WDHD1: variants seen among roughly 807,000 people sequenced by gnomAD.
The protein encoded by WDHD1 is WD repeat and HMG-box DNA-binding protein 1.
WDHD1 carries 111 observed loss-of-function variants against 135.4 expected under a neutral mutation model. The ratio of observed to expected loss-of-function variants is 0.82; its 90% confidence interval spans 0.70 to 0.96. WDHD1 has a LOEUF of 0.96. Ranked by LOEUF, WDHD1 falls within the 40% of genes least tolerant of loss-of-function variation. The probability of loss-of-function intolerance (pLI) is 0.00; values close to 1 mark genes in which losing one functional copy is unlikely to be tolerated. For synonymous variants in WDHD1, 434 were observed against 439.0 expected (o/e 0.99, Z 0.14); for missense variants, 1,351 against 1,336.3 (o/e 1.01, Z -0.17).
chr14:55,004,867 C>A (rs2042038457), intron 7 of WDHD1: 1 of 515,036 alleles, frequency 1.9e-6, no homozygotes, highest in Admixed American at 2.0e-5. Context: ...CAGTGGGGAG[C>A]CGCAGACCAG....
intron 3 of WDHD1, among the ~76,000 whole-genome samples, chr14:55,011,342 C>T (rs1305230056): frequency 6.6e-6 from 1 of 151,686 alleles, no homozygotes; most frequent in African/African-American, 2.4e-5. Flanking sequence ...CCAGCCTAGC[C>T]AACATGGTGA....
chr14:55,020,051 AT>A (rs1161422338), intron 2 of WDHD1, among the ~76,000 whole-genome samples: 1 of 152,144 alleles, frequency 6.6e-6, no homozygotes, highest in African/African-American at 2.4e-5. Flanking sequence ...ACTCTTAATC[AT>A]TGAGTCTCAT....
intron 2 of WDHD1, 149 bp downstream of exon 2, chr14:55,026,559 AAAC>A (rs1285670568): frequency 7.9e-6 from 6 of 759,970 alleles, no homozygotes; most frequent in Non-Finnish European, 8.7e-6. Context: ...GGCCCGAATC[AAAC>A]AATAATCTAA....
chr14:55,017,791 A>AT (rs2042285372), intron 2 of WDHD1, among the ~76,000 whole-genome samples: 4 of 152,084 alleles, frequency 2.6e-5, no homozygotes, highest in Admixed American at 2.6e-4. Flanking sequence ...TTCAGATTTT[A>AT]TTTATATCTA....
chr14:54,960,290 C>T (rs2041229817), intron 21 of WDHD1, among the ~76,000 whole-genome samples: 1 of 152,110 alleles, frequency 6.6e-6, no homozygotes, highest in Admixed American at 6.5e-5. Flanking sequence ...GCCTCAGCCT[C>T]CCAAGTAGCT....
At chr14:55,010,809 TGAG>T (rs376405178) in intron 3 of WDHD1, among the ~76,000 whole-genome samples, 2 of 152,354 alleles carry the variant, frequency 1.3e-5, no homozygotes, top group African/African-American at 4.8e-5. Flanking sequence ...AGTCTCAAAA[TGAG>T]GAGAAGGCAT....
chr14:54,966,492 A>C lies in WDHD1; in HGVS notation c.2293T>G (p.Leu765Val), dbSNP rs745607774. ...NQATKEQQELLMKMLALSCKL... is the reference protein window; with the variant it reads ...NQATKEQQELVMKMLALSCKL... ...TTACTCACCGCAAGCATTTTCATTA[A>C]AAGTTCCTGTTGCTCTTTTGTTGCT... Residue 765 changes from leucine (L) to valine (V), a missense_variant, in exon 18 of 26, where the codon TTA becomes GTA. Leu to Val is a conservative substitution (Grantham distance 32, BLOSUM62 1). Transcript: ENST00000360586. The C allele has an allele frequency of 9.4e-6, 15 of 1,599,540 alleles. No individual in the cohort carries two copies. Among genetic ancestry groups the C allele is most frequent in the Non-Finnish European group, 1.2e-5 (14 of 1,176,948 alleles).
rs539295985 is a variant in WDHD1, at chr14:54,972,646, G to A, written c.2064-5252C>T. On this transcript the variant is annotated intron_variant, in intron 16 of 25. Coordinates refer to ENST00000360586, the MANE Select transcript of WDHD1 (RefSeq NM_007086.4). ...CAGTTTGGGAATTCTTAGTACTGTC[G>A]GTATGAGTTGTCAAAAAAGAGAAAA... is the stretch of plus-strand genomic sequence containing the variant. Among the ~76,000 whole-genome samples the A allele has an allele frequency of 2.5e-4, 37 of 145,206 alleles. 2 individuals are homozygous for A. In the South Asian group the frequency reaches 6.9e-3, roughly 27 times the overall value.
At chr14:54,960,319 C>T (rs1365766259) in intron 21 of WDHD1, among the ~76,000 whole-genome samples, 1 of 151,934 alleles carries the variant, frequency 6.6e-6, no homozygotes, top group Non-Finnish European at 1.5e-5. Flanking sequence ...AGGTGCCTGT[C>T]ACCATGCCCG....
At chr14:55,017,344 T>C (rs944752071) in intron 2 of WDHD1, among the ~76,000 whole-genome samples, 2 of 145,070 alleles carry the variant, frequency 1.4e-5, no homozygotes, top group Admixed American at 1.4e-4. Flanking sequence ...AAATCAATAT[T>C]CTTTTTTTTT....
intron 23 of WDHD1, among the ~76,000 whole-genome samples, chr14:54,956,233 G>A (rs777375220): frequency 2.6e-5 from 4 of 152,070 alleles, no homozygotes; most frequent in Non-Finnish European, 4.4e-5. Context: ...TATTAAATAC[G>A]AATATACATC....
chr14:55,008,850 G>A, intron 4 of WDHD1, 131 bp from the exon 5 acceptor site: 4 of 656,384 alleles, frequency 6.1e-6, no homozygotes, highest in Non-Finnish European at 2.4e-6. Context: ...ACCCAGGCTG[G>A]AGTGCAGTGG....
rs746577427 is a variant in WDHD1 at position 55,000,526 on chromosome 14, T to C, written c.919A>G (p.Ser307Gly). Residue 307 changes from serine to glycine, a missense_variant, in exon 10 of 26, where the codon AGT becomes GGT. Around this residue, in one of 2 missense-constraint regions of WDHD1, gnomAD observed 1,330 missense variants for 1,296.1 expected, o/e 1.03. Coordinates refer to ENST00000360586, the MANE Select transcript of WDHD1 (RefSeq NM_007086.4). ...LGLLENVCDPSGKTSSSKVSS... is the reference protein window; with the variant it reads ...LGLLENVCDPGGKTSSSKVSS... ...ACCTTACTGCTTGATGTCTTTCCACTGGGGTCACAAACATTCTCTAGAAGC... is the reference window on the plus strand; with the variant it reads ...ACCTTACTGCTTGATGTCTTTCCACCGGGGTCACAAACATTCTCTAGAAGC... The C allele has an allele frequency of 3.7e-6, 6 of 1,604,932 alleles. No homozygotes were observed. The highest frequency in any genetic ancestry group is 3.4e-5 in the Admixed American group (2 of 58,944).
Position 54,962,975 on chromosome 14 carries a change from A to G in WDHD1, c.2508T>C (p.Asp836=), listed in dbSNP as rs1555367166. Residue 836 remains aspartate, a synonymous_variant, in exon 19 of 26, where the codon GAT becomes GAC. Coordinates refer to ENST00000360586, the MANE Select transcript of WDHD1 (RefSeq NM_007086.4). The part of the protein sequence containing the change: ...TQVEEEEEEE[D]FRKKLNAGYS... ...ACCCAGCATTCAGCTTTTTTCTGAA[A>G]TCTTCTTCTTCTTCTTCCTCTTCCA... 2.5e-6 allele frequency: 4 copies of G among 1,613,602 alleles called. No individual in the cohort carries two copies. Among genetic ancestry groups the G allele is most frequent in the African/African-American group, 1.3e-5 (1 of 74,872 alleles).
chr14:55,005,423 T>C (rs2042049427), intron 7 of WDHD1: 1 of 570,934 alleles, frequency 1.8e-6, no homozygotes, highest in Non-Finnish European at 3.4e-6. Context: ...AGCAGCAAAC[T>C]TCAGCATGGC....
intron 7 of WDHD1, chr14:55,005,097 T>A (rs561374557): frequency 3.7e-6 from 2 of 534,326 alleles, no homozygotes; most frequent in Non-Finnish European, 7.4e-6. Flanking sequence ...ACTGTAGAAG[T>A]AGAGATCAGG....
chr14:54,959,413 GAGGGAGGGAAGAAGGA>G (rs2041212432), intron 21 of WDHD1, among the ~76,000 whole-genome samples: 1 of 139,980 alleles, frequency 7.1e-6, no homozygotes, highest in Non-Finnish European at 1.6e-5. Flanking sequence ...AGGAGGGAGG[GAGGGAGGGAAGAAGGA>G]AGGGAGGGAG....
intron 18 of WDHD1, among the ~76,000 whole-genome samples, chr14:54,964,715 G>T (rs1451967012): frequency 6.6e-6 from 1 of 152,102 alleles, no homozygotes; most frequent in Non-Finnish European, 1.5e-5. Context: ...TTTGCCCGGG[G>T]GTCAGGAATG....
At chr14:55,011,786 G>C (rs2042175423) in intron 3 of WDHD1, among the ~76,000 whole-genome samples, 1 of 151,534 alleles carries the variant, frequency 6.6e-6, no homozygotes, top group African/African-American at 2.4e-5. Flanking sequence ...GATGAAAATA[G>C]ATACCCTACT....
Sources: gnomAD v4.1 joint callset for allele counts (sites outside exome capture counted in the v4.1 genomes callset) on GRCh38, gnomAD v4.1.1 for gene constraint, gnomAD v4.1.1 regional missense constraint, MANE v1.5 for transcripts, NCBI Gene and HGNC (gene_info 2026-07-23, HGNC 2026-07-21) for gene names.